Variants in MRPL39 observed in about 807,000 individuals in gnomAD.
The protein encoded by MRPL39 is large ribosomal subunit protein mL39.
MRPL39 carries 35 observed loss-of-function variants against 44.5 expected under a neutral mutation model. The observed-to-expected ratio is 0.79, with a 90% CI of 0.60 to 1.04. MRPL39 has a LOEUF of 1.04. Ranked by LOEUF, MRPL39 falls within the 50% of genes least tolerant of loss-of-function variation. The pLI is 0.00. For missense variants in MRPL39, 433 were observed against 413.5 expected, an observed-to-expected ratio of 1.05 and a Z score of -0.41; for synonymous variants, 139 against 136.1, an observed-to-expected ratio of 1.02 and a Z score of -0.15.
intron 9 of MRPL39, among the ~76,000 whole-genome samples, chr21:25,586,834 G>A (rs1218344929): frequency 6.6e-6 from 1 of 152,130 alleles, no homozygotes; most frequent in Non-Finnish European, 1.5e-5. Context: ...CAACTCCCCA[G>A]CTTGGTCTGA....
At chr21:25,597,226 T>C in intron 6 of MRPL39, 76 bp downstream of exon 6, 1 of 954,534 alleles carries the variant, frequency 1.0e-6, no homozygotes, top group Non-Finnish European at 1.6e-6. Flanking sequence ...ATATAAAAAT[T>C]TTTAAGACCT....
chr21:25,607,807 C>T (rs1466874803), upstream of MRPL39, among the ~76,000 whole-genome samples: 1 of 139,198 alleles, frequency 7.2e-6, no homozygotes, highest in Non-Finnish European at 1.5e-5. Flanking sequence ...CAGCCCTCCG[C>T]GGGTTCGATC....
intron 7 of MRPL39, among the ~76,000 whole-genome samples, chr21:25,593,171 T>C (rs1453871221): frequency 6.6e-6 from 1 of 152,218 alleles, no homozygotes; most frequent in Non-Finnish European, 1.5e-5. Flanking sequence ...TGAACCATTT[T>C]CTTAATTAGC....
intron 1 of MRPL39, 70 bp from the exon 2 acceptor site, chr21:25,606,725 G>A: frequency 7.8e-7 from 1 of 1,277,532 alleles, no homozygotes; most frequent in Non-Finnish European, 1.1e-6. Context: ...TGCGCTCAGA[G>A]GTAAAATTAA....
At chr21:25,607,324 C>T (rs776020783) in intron 1 of MRPL39, 79 bp downstream of exon 1, 51 of 1,520,588 alleles carry the variant, frequency 3.4e-5, no homozygotes, top group Non-Finnish European at 4.5e-5. Context: ...GGGACCTCCC[C>T]GGCCCCGCCT....
In MRPL39 at chr21:25,599,954, A is replaced by G; in HGVS notation, c.521-88T>C. On this transcript the variant is annotated intron_variant, in intron 4 of 9. Coordinates refer to ENST00000352957, the MANE Select transcript of MRPL39 (RefSeq NM_017446.4). ...GCAACAACTGAATATTTAGACCATA[A>G]AAAGGATTAGCACTCTCTCCCAACT... The G allele has an allele frequency of 3.0e-6, 3 of 998,860 alleles. No individual in the cohort carries two copies. The South Asian group carries it at 4.0e-5, about 13-fold the overall frequency. 61.9% of individuals were successfully genotyped at this position (998,860 alleles called of 1,614,324 possible).
At chr21:25,598,635 C>T (rs893767856) in intron 5 of MRPL39, among the ~76,000 whole-genome samples, 1 of 152,016 alleles carries the variant, frequency 6.6e-6, no homozygotes, top group Admixed American at 6.6e-5. Context: ...AATCCCTTCC[C>T]TCCCCTCTTT....
In MRPL39 at chr21:25,585,772, G is replaced by A. The variant is rs2123218491; in HGVS notation, c.970-18C>T. 6.4e-7 allele frequency: 1 copy of A among 1,567,406 alleles called. No individual in the cohort carries two copies. The highest frequency in any genetic ancestry group is 8.7e-7 in the Non-Finnish European group (1 of 1,145,472). On this transcript the variant is annotated intron_variant, in intron 9 of 9. Transcript: ENST00000352957. ...TCAGTTACCTGTAAAAACATGAATA[G>A]CTTTACTTTCCTAATAAACACTTTC...
chr21:25,603,736 G>A, intron 3 of MRPL39, 60 bp downstream of exon 3: 1 of 1,496,840 alleles, frequency 6.7e-7, no homozygotes, highest in Non-Finnish European at 9.1e-7. Flanking sequence ...TAGAAAACAG[G>A]TCTTAATAAA....
chr21:25,607,326 G>A (rs2123264538), intron 1 of MRPL39, 77 bp downstream of exon 1: 3 of 1,535,170 alleles, frequency 2.0e-6, no homozygotes, highest in South Asian at 1.1e-5. Context: ...GACCTCCCCG[G>A]CCCCGCCTCA....
intron 6 of MRPL39, among the ~76,000 whole-genome samples, chr21:25,595,231 T>A (rs1266560220): frequency 6.6e-6 from 1 of 152,206 alleles, no homozygotes; most frequent in Admixed American, 6.5e-5. Flanking sequence ...AAACACCCAC[T>A]GACTGCTACA....
At chr21:25,590,288 G>T (rs761756302) in intron 8 of MRPL39, among the ~76,000 whole-genome samples, 1 of 151,902 alleles carries the variant, frequency 6.6e-6, no homozygotes, top group Non-Finnish European at 1.5e-5. Context: ...GAAACCAGGG[G>T]TATCCAATCT....
In MRPL39 at chr21:25,597,389, T is replaced by A; in HGVS notation, c.614A>T (p.Asp205Val). Residue 205 changes from aspartate to valine, a missense_variant, in exon 6 of 10, where the codon GAT becomes GTT. Physicochemically the swap from Asp to Val is radical, Grantham distance 152. Coordinates refer to ENST00000352957, the MANE Select transcript of MRPL39 (RefSeq NM_017446.4). ...ATCTTTATAAATTAAAGCATGAGCA[T>A]CTTTTGTGAAGGAACGTAAGTTCTC... ...TKENLRSFTKDAHALIYKDLP... is the reference protein window; with the variant it reads ...TKENLRSFTKVAHALIYKDLP... 1 of 1,592,418 alleles carries A rather than the reference T, an allele frequency of 6.3e-7. No homozygotes were observed. The highest frequency in any genetic ancestry group is 8.6e-7 in the Non-Finnish European group (1 of 1,164,400).
At chr21:25,601,051 T>C (rs2031507492) in intron 4 of MRPL39, among the ~76,000 whole-genome samples, 1 of 151,982 alleles carries the variant, frequency 6.6e-6, no homozygotes, top group African/African-American at 2.4e-5. Flanking sequence ...GAGCTTGCAG[T>C]GAGCCAAGAT....
chr21:25,599,697 T>C (rs980836202), intron 5 of MRPL39, 102 bp downstream of exon 5: 6 of 915,940 alleles, frequency 6.6e-6, no homozygotes, highest in South Asian at 1.5e-5. Flanking sequence ...TTCTTTTAAA[T>C]GTTCTCAACA....
intron 5 of MRPL39, among the ~76,000 whole-genome samples, chr21:25,599,288 T>G (rs1388607900): frequency 6.6e-6 from 1 of 152,162 alleles, no homozygotes; most frequent in East Asian, 1.9e-4. Flanking sequence ...TGTCAAAGTC[T>G]GATTCTTTAA....
intron 1 of MRPL39, 63 bp downstream of exon 1, chr21:25,607,340 C>G: frequency 6.3e-7 from 1 of 1,585,274 alleles, no homozygotes; most frequent in South Asian, 1.1e-5. Flanking sequence ...CGCCTCAGAC[C>G]CAATCTAGAC....
chr21:25,591,711 C>T (rs769692181), intron 8 of MRPL39, among the ~76,000 whole-genome samples: 2 of 151,886 alleles, frequency 1.3e-5, no homozygotes, highest in African/African-American at 4.8e-5. Context: ...AAACTGATCA[C>T]TCACACATTG....
chr21:25,602,765 T>C (rs1008077184), intron 3 of MRPL39, among the ~76,000 whole-genome samples: 14 of 152,140 alleles, frequency 9.2e-5, no homozygotes, highest in African/African-American at 2.7e-4. Context: ...AAAAGATAAA[T>C]AGGATTTTAA....
Sources: gnomAD v4.1 joint callset for allele counts (sites outside exome capture counted in the v4.1 genomes callset) on GRCh38, gnomAD v4.1.1 for gene constraint, MANE v1.5 for transcripts, NCBI Gene and HGNC (gene_info 2026-07-23, HGNC 2026-07-21) for gene names.